Variants in NCOA7 observed in about 807,000 individuals in gnomAD.
NCOA7 encodes the protein 140 kDa estrogen receptor-associated protein.
A neutral mutation model predicts 104.3 loss-of-function variants in NCOA7; 45 were observed. The ratio of observed to expected loss-of-function variants is 0.43; its 90% CI spans 0.34 to 0.55. NCOA7 has a LOEUF of 0.55. Among genes scored for constraint, NCOA7 ranks in the 20% least tolerant of loss-of-function variants. NCOA7 has a pLI of 0.02. For synonymous variants in NCOA7, 398 were observed against 402.3 expected, an observed-to-expected ratio of 0.99 and a Z score of 0.13; for missense variants, 1,041 against 1,119.7, an observed-to-expected ratio of 0.93 and a Z score of 1.00.
At chr6:125,802,463 C>T (rs1263478737) in intron 1 of NCOA7, 1 of 152,164 alleles carries the variant, frequency 6.6e-6, no homozygotes, top group Non-Finnish European at 1.5e-5. Flanking sequence ...GGAAAAGCAG[C>T]TACCTGGAGC....
At position 125,889,206 on chromosome 6, in the gene NCOA7, T is replaced by C; in HGVS notation, c.1152T>C (p.Ser384=). The C allele has an allele frequency of 6.2e-7, 1 of 1,614,000 alleles. No homozygotes were observed. Among genetic ancestry groups the C allele is most frequent in the South Asian group, 1.1e-5 (1 of 91,072 alleles). ...CCTCTAGGGAGACATCCCATGGTTC[T>C]CCCACAGTGACTAAGCTCAGCAAGG... ...LDSSRETSHG[S]PTVTKLSKEP... Residue 384 remains serine, a synonymous_variant, in exon 9 of 16, where the codon TCT becomes TCC. Transcript: ENST00000392477.
intron 1 of NCOA7, among the ~76,000 whole-genome samples, chr6:125,811,680 C>T (rs1777017770): frequency 6.6e-6 from 1 of 152,064 alleles, no homozygotes; most frequent in South Asian, 2.1e-4. Context: ...GAGTTAGACA[C>T]TCAGCCGCCA....
intron 11 of NCOA7, 146 bp from the exon 12 acceptor site, chr6:125,920,797 C>A: frequency 1.1e-6 from 1 of 924,826 alleles, no homozygotes; most frequent in Non-Finnish European, 1.5e-6. Flanking sequence ...GAAAAATTAG[C>A]CATTTCCCCA....
intron 10 of NCOA7, among the ~76,000 whole-genome samples, chr6:125,909,442 A>T (rs142987118): frequency 6.6e-6 from 1 of 152,202 alleles, no homozygotes; most frequent in Non-Finnish European, 1.5e-5. Flanking sequence ...CAGCAGGAAC[A>T]CACCTGTAAT....
At chr6:125,847,776 A>G (rs1462772966) in intron 2 of NCOA7, among the ~76,000 whole-genome samples, 3 of 152,226 alleles carry the variant, frequency 2.0e-5, no homozygotes, top group Non-Finnish European at 4.4e-5. Context: ...ACCAAAAGCA[A>G]TGGCAACAAA....
intron 1 of NCOA7, chr6:125,796,706 G>T (rs2128548511): frequency 6.6e-6 from 1 of 150,466 alleles, no homozygotes; most frequent in East Asian, 2.0e-4. Flanking sequence ...CCAGGCTGGA[G>T]TGCAGTGATG....
Position 125,929,239 on chromosome 6 carries a change from GTTT to G in NCOA7, c.*479_*481del, listed in dbSNP as rs752467545. On this transcript the variant is annotated 3_prime_UTR_variant, in exon 16 of 16. Transcript: ENST00000392477. ...ACAGCACTTAAAGGGAATATATGAG[GTTT>G]TTTTTTTTTTAAAAAAAAACTTTTA... is the stretch of plus-strand genomic sequence containing the variant. The G allele has an allele frequency of 2.9e-3, 400 of 135,748 alleles. 1 individual carries two copies. Among genetic ancestry groups the G allele is most frequent in the East Asian group, 0.014 (64 of 4,654 alleles). The allele number at this position is 135,748 out of a possible 1,614,324, so 8.4% of individuals were successfully genotyped here.
intron 13 of NCOA7, among the ~76,000 whole-genome samples, chr6:125,925,111 G>A (rs935019930): frequency 1.5e-4 from 23 of 152,164 alleles, no homozygotes; most frequent in Admixed American, 1.5e-3. Context: ...AGAGGCTGCT[G>A]TCACTGTCTA....
intron 3 of NCOA7, among the ~76,000 whole-genome samples, chr6:125,870,076 A>G (rs1020297577): frequency 2.0e-4 from 31 of 152,250 alleles, no homozygotes; most frequent in African/African-American, 7.5e-4. Context: ...TCATAACCAT[A>G]CAGGTAGCCG....
chr6:125,876,293 C>T (rs1018784361), intron 4 of NCOA7, among the ~76,000 whole-genome samples: 6 of 152,198 alleles, frequency 3.9e-5, no homozygotes, highest in African/African-American at 1.4e-4. Flanking sequence ...CGTCTCTAGA[C>T]ATCTTTCTAA....
intron 10 of NCOA7, among the ~76,000 whole-genome samples, chr6:125,906,333 G>A (rs1231886430): frequency 6.6e-6 from 1 of 152,114 alleles, no homozygotes; most frequent in Non-Finnish European, 1.5e-5. Context: ...TAGGAGAGTG[G>A]GGTGAGCTTG....
At chr6:125,856,653 T>C (rs1382501729) in intron 3 of NCOA7, among the ~76,000 whole-genome samples, 2 of 152,058 alleles carry the variant, frequency 1.3e-5, no homozygotes, top group African/African-American at 4.8e-5. Context: ...TGCCTGGCCA[T>C]GTCTCCATGT....
intron 1 of NCOA7, among the ~76,000 whole-genome samples, chr6:125,805,087 C>CTTTTTTTTTTTTTTTTTTTTTTTT (rs59737297): frequency 1.7e-5 from 1 of 58,050 alleles, no homozygotes; most frequent in African/African-American, 6.2e-5. Flanking sequence ...CCCTCTTGTT[C>CTTTTTTTTTTTTTTTTTTTTTTTT]TTTTTTTTTT....
chr6:125,912,022 C>T (rs917970118), intron 10 of NCOA7, among the ~76,000 whole-genome samples: 4 of 152,184 alleles, frequency 2.6e-5, no homozygotes, highest in South Asian at 2.1e-4. Flanking sequence ...GGTTAATTAC[C>T]GTGAGGTAAA....
At chr6:125,848,368 C>G (rs1360449290) in intron 2 of NCOA7, among the ~76,000 whole-genome samples, 1 of 152,126 alleles carries the variant, frequency 6.6e-6, no homozygotes, top group Non-Finnish European at 1.5e-5. Flanking sequence ...TATTGCGGCA[C>G]TATTCACAAT....
rs538702297 is a variant in NCOA7, at chr6:125,814,302, G to A, written c.-64-989G>A. Among the ~76,000 whole-genome samples, 38 of 152,202 alleles carry A rather than the reference G, an allele frequency of 2.5e-4. 1 individual carries two copies. The East Asian group carries it at 7.1e-3, about 29-fold the overall frequency. ...CCGGAGTAGCTGGGACTGCAGGCGT[G>A]CACCACCATGCCTGTCTAATTTTTG... On this transcript the variant is annotated intron_variant, in intron 1 of 15. Transcript: ENST00000392477.
chr6:125,856,481 T>A (rs1488381547), intron 3 of NCOA7, among the ~76,000 whole-genome samples: 1 of 152,034 alleles, frequency 6.6e-6, no homozygotes, highest in Admixed American at 6.6e-5. Context: ...GCCTCCCGAG[T>A]AGCTGGGACT....
intron 10 of NCOA7, among the ~76,000 whole-genome samples, chr6:125,894,701 A>G (rs1003303762): frequency 6.6e-5 from 10 of 151,992 alleles, no homozygotes; most frequent in African/African-American, 2.4e-4. Flanking sequence ...AACCAGACAC[A>G]CTGATTTGGA....
At chr6:125,784,328 G>C (rs1352291262) in intron 1 of NCOA7, among the ~76,000 whole-genome samples, 1 of 152,110 alleles carries the variant, frequency 6.6e-6, no homozygotes, top group Non-Finnish European at 1.5e-5. Flanking sequence ...ACTTAGTCTG[G>C]TAGAGTTCAA....
Sources: gnomAD v4.1 joint callset for allele counts (sites outside exome capture counted in the v4.1 genomes callset) on GRCh38, gnomAD v4.1.1 for gene constraint, MANE v1.5 for transcripts, NCBI Gene and HGNC (gene_info 2026-07-23, HGNC 2026-07-21) for gene names.